The following CYP27B1 variants were observed in gnomAD, a reference collection of about 807,000 sequenced individuals.
The protein encoded by CYP27B1 is 25-hydroxyvitamin D-1 alpha hydroxylase, mitochondrial.
Under a neutral mutation model 54.8 loss-of-function variants are expected in CYP27B1, and 46 were observed. The observed-to-expected ratio is 0.84, with a 90% confidence interval of 0.66 to 1.07. The LOEUF (loss-of-function observed/expected upper bound fraction) is 1.07. Ranked by LOEUF, CYP27B1 falls within the 50% of genes least tolerant of loss-of-function variation. CYP27B1 has a pLI of 0.00. For synonymous variants in CYP27B1, 292 were observed against 297.3 expected, an observed-to-expected ratio of 0.98 and a Z score of 0.18; for missense variants, 674 against 692.2, an observed-to-expected ratio of 0.97 and a Z score of 0.30.
chr12:57,767,074 C>A lies in CYP27B1; in HGVS notation c.-33G>T. ...TTCAGGGTGCTCGCGAAAGAAAGCG[C>A]TTCTCCTGAGCATCATATCTCAACC... On this transcript the variant is annotated 5_prime_UTR_variant, in exon 1 of 9. Transcript: ENST00000228606. The A allele has an allele frequency of 6.2e-7, 1 of 1,602,468 alleles. No individual in the cohort carries two copies. The highest frequency in any genetic ancestry group is 1.1e-5 in the South Asian group (1 of 90,882).
rs1460210101 is a variant in CYP27B1 at position 57,765,402 on chromosome 12, C to T, written c.484G>A (p.Val162Ile). ...ARYAGTLNNV[V>I]CDLVRRLRRQ... Reference sequence around the variant, plus strand: ...CTCAGACGCCGCACAAGGTCGCAGACTACGTTGTTCAGGGTTCCGGCGTAG... The same window carrying T: ...CTCAGACGCCGCACAAGGTCGCAGATTACGTTGTTCAGGGTTCCGGCGTAG... The change falls in exon 3 of 9, where the codon GTC (valine) becomes ATC (isoleucine). Residue 162 changes from valine (V) to isoleucine (I), a missense_variant. Val to Ile is a conservative substitution (Grantham distance 29). Coordinates refer to ENST00000228606, the MANE Select transcript of CYP27B1 (RefSeq NM_000785.4). This position sits in a 1 kb window ranked among gnomAD's most constrained non-coding sequence, Gnocchi z 5.8. 3.1e-6 allele frequency: 5 copies of T among 1,613,194 alleles called. No individual in the cohort carries two copies. The highest frequency in any genetic ancestry group is 4.2e-6 in the Non-Finnish European group (5 of 1,179,732).
rs1955330031 is a variant in CYP27B1 at position 57,762,929 on chromosome 12, G to A, written c.*213C>T. The A allele has an allele frequency of 1.8e-6, 1 of 568,716 alleles. No homozygotes were observed. The highest frequency in any genetic ancestry group is 1.9e-5 in the African/African-American group (1 of 53,878). 35.2% of individuals were successfully genotyped at this position (568,716 alleles called of 1,614,324 possible). On this transcript the variant is annotated 3_prime_UTR_variant, in exon 9 of 9. Transcript: ENST00000228606. ...CATGATCAGAAGGGCCAAGCAAGCAGAGAGACCATGGTTTTCTCACCTGGC... is the reference window on the plus strand; with the variant it reads ...CATGATCAGAAGGGCCAAGCAAGCAAAGAGACCATGGTTTTCTCACCTGGC...
rs374801900 is a variant in CYP27B1 at position 57,767,025 on chromosome 12, T to C, written c.17A>G (p.Lys6Arg). The change falls in exon 1 of 9, where the codon AAG becomes AGG. Residue 6 changes from lysine (K) to arginine (R), a missense_variant. Transcript: ENST00000228606. MTQTL[K>R]YASRVFHRVR... ...GCGATGGAACACTCTGGAGGCGTAC[T>C]TGAGGGTCTGGGTCATGGTCTGGTT... The C allele has an allele frequency of 1.2e-6, 2 of 1,614,222 alleles. No individual in the cohort carries two copies. Among genetic ancestry groups the C allele is most frequent in the African/African-American group, 2.7e-5 (2 of 75,070 alleles).
Position 57,765,683 on chromosome 12 carries a change from G to T in CYP27B1, c.387-184C>A. 1 of 861,504 alleles carries T rather than the reference G, an allele frequency of 1.2e-6. No homozygotes were observed. The highest frequency in any genetic ancestry group is 1.9e-6 in the Non-Finnish European group (1 of 525,866). 53.4% of individuals were successfully genotyped at this position (861,504 alleles called of 1,614,324 possible). On this transcript the variant is annotated intron_variant, in intron 2 of 8. Coordinates refer to ENST00000228606, the MANE Select transcript of CYP27B1 (RefSeq NM_000785.4). This position sits in a 1 kb window ranked among gnomAD's most constrained non-coding sequence, Gnocchi z 5.8. ...CCCCCTTCCTCTTTACTCATTTCCT[G>T]CCCTCAGGGGCCGGGGTTCCCGGGT...
Position 57,766,913 on chromosome 12 carries a change from G to T in CYP27B1, c.129C>A (p.Pro43=). ...ARRSLADIPG[P]STPSFLAELF... ...GTTCGGCCAGAAAGCTGGGCGTAGAGGGGCCTGGGATGTCTGCCAAGCTCC... is the reference window on the plus strand; with the variant it reads ...GTTCGGCCAGAAAGCTGGGCGTAGATGGGCCTGGGATGTCTGCCAAGCTCC... Residue 43 remains proline, a synonymous_variant, in exon 1 of 9, where the codon CCC becomes CCA. Transcript: ENST00000228606. The T allele has an allele frequency of 6.2e-7, 1 of 1,614,204 alleles. No individual in the cohort carries two copies. The highest frequency in any genetic ancestry group is 8.5e-7 in the Non-Finnish European group (1 of 1,180,030).
chr12:57,766,795 G>A, intron 1 of CYP27B1, 52 bp downstream of exon 1: 2 of 1,595,076 alleles, frequency 1.3e-6, no homozygotes, highest in Non-Finnish European at 1.7e-6. Context: ...TTCTGACGCT[G>A]TCAAAACCAG....
Position 57,766,054 on chromosome 12 carries a change from C to T in CYP27B1, c.339G>A (p.Trp113Ter). The T allele has an allele frequency of 6.4e-7, 1 of 1,563,566 alleles. No homozygotes were observed. Among genetic ancestry groups the T allele is most frequent in the Non-Finnish European group, 8.6e-7 (1 of 1,158,656 alleles). Residue 113 changes from tryptophan to a stop codon, truncating the protein, a stop_gained, in exon 2 of 9, where the codon TGG (tryptophan) becomes TGA (stop). Coordinates refer to ENST00000228606, the MANE Select transcript of CYP27B1 (RefSeq NM_000785.4). LOFTEE classifies it high-confidence loss of function. ...PRPERCSFSP[W>*]TEHRRCRQRA... ...GCTGGCGGCAGCGGCGGTGCTCCGT[C>T]CAGGGCGAGAAGCTGCAGCGCTCGG...
rs1166574418 is a variant in CYP27B1 at position 57,762,791 on chromosome 12, G to A, written c.*351C>T. On this transcript the variant is annotated 3_prime_UTR_variant, in exon 9 of 9. Transcript: ENST00000228606. ...GAGCTTATGCTTTGATAAATGCTTA[G>A]CCAGCAGCATCAATGAACACTATGA... 1 of 350,364 alleles carries A rather than the reference G, an allele frequency of 2.9e-6. No homozygotes were observed. The highest frequency in any genetic ancestry group is 5.6e-6 in the Non-Finnish European group (1 of 178,718). The allele number at this position is 350,364 out of a possible 1,614,324, so 21.7% of individuals were successfully genotyped here. A position where few individuals can be genotyped will look rare whatever the true frequency, so the allele number is the denominator to read the frequency against.
At position 57,766,852 on chromosome 12, in the gene CYP27B1, G is replaced by A. The variant is rs1955366158; in HGVS notation, c.190C>T (p.Leu64=). 2 of 1,614,216 alleles carry A rather than the reference G, an allele frequency of 1.2e-6. No homozygotes were observed. Among genetic ancestry groups the A allele is most frequent in the African/African-American group, 1.3e-5 (1 of 75,064 alleles). ...CKGGLSRLHE[L]QVQGAAHFGP... is the part of the protein sequence containing the mutation. ...GGAAAGGCGTCCCTTCCTACCTGCA[G>A]CTCGTGTAGCCTCGACAGCCCCCCC... The change falls in exon 1 of 9, where the codon CTG becomes TTG. Residue 64 remains leucine (L), a synonymous_variant. Transcript: ENST00000228606.
chr12:57,766,872 C>G lies in CYP27B1; in HGVS notation c.170G>C (p.Gly57Ala), dbSNP rs376304260. 5.0e-6 allele frequency: 8 copies of G among 1,614,218 alleles called. No individual in the cohort carries two copies. The highest frequency in any genetic ancestry group is 1.1e-5 in the South Asian group (1 of 91,080). The change falls in exon 1 of 9, where the codon GGG (glycine) becomes GCG (alanine). Residue 57 changes from glycine (G) to alanine (A), a missense_variant. Transcript: ENST00000228606. ...CTGCAGCTCGTGTAGCCTCGACAGCCCCCCCTTGCAGAAAAGTTCGGCCAG... is the reference window on the plus strand; with the variant it reads ...CTGCAGCTCGTGTAGCCTCGACAGCGCCCCCTTGCAGAAAAGTTCGGCCAG... ...SFLAELFCKG[G>A]LSRLHELQVQ...
In CYP27B1 at chr12:57,762,933, G is replaced by C. The variant is rs1955330063; in HGVS notation, c.*209C>G. 1 of 578,748 alleles carries C rather than the reference G, an allele frequency of 1.7e-6. No homozygotes were observed. 35.9% of individuals were successfully genotyped at this position (578,748 alleles called of 1,614,324 possible). On this transcript the variant is annotated 3_prime_UTR_variant, in exon 9 of 9. Coordinates refer to ENST00000228606, the MANE Select transcript of CYP27B1 (RefSeq NM_000785.4). The stretch of plus-strand genomic sequence containing the variant: ...ATCAGAAGGGCCAAGCAAGCAGAGA[G>C]ACCATGGTTTTCTCACCTGGCTTCC...
Position 57,766,975 on chromosome 12 carries a change from C to T in CYP27B1, c.67G>A (p.Ala23Thr). ...HRVRWAPELGASLGYREYHSA... is the reference protein window; with the variant it reads ...HRVRWAPELGTSLGYREYHSA... ...TGGTACTCTCGGTAGCCTAGGGAGGCGCCCAACTCGGGCGCCCAGCGGACG... is the reference window on the plus strand; with the variant it reads ...TGGTACTCTCGGTAGCCTAGGGAGGTGCCCAACTCGGGCGCCCAGCGGACG... Residue 23 changes from alanine (A) to threonine (T), a missense_variant, in exon 1 of 9, where the codon GCC becomes ACC. Transcript: ENST00000228606. The T allele has an allele frequency of 6.2e-7, 1 of 1,614,162 alleles. No individual in the cohort carries two copies. Among genetic ancestry groups the T allele is most frequent in the African/African-American group, 1.3e-5 (1 of 75,028 alleles).
chr12:57,763,011 C>A lies in CYP27B1; in HGVS notation c.*131G>T. 1.4e-6 allele frequency: 1 copy of A among 730,078 alleles called. No individual in the cohort carries two copies. The allele number at this position is 730,078 out of a possible 1,614,324, so 45.2% of individuals were successfully genotyped here. On this transcript the variant is annotated 3_prime_UTR_variant, in exon 9 of 9. Coordinates refer to ENST00000228606, the MANE Select transcript of CYP27B1 (RefSeq NM_000785.4). ...CATTGGTCAGGGCCGCCTCACACTTCACTATGGTGGTTCTATCCAGTTTGG... is the reference window on the plus strand; with the variant it reads ...CATTGGTCAGGGCCGCCTCACACTTAACTATGGTGGTTCTATCCAGTTTGG...
rs925569440 is a variant in CYP27B1, at chr12:57,765,661, C to T, written c.387-162G>A. 2.4e-5 allele frequency: 22 copies of T among 924,432 alleles called. No individual in the cohort carries two copies. The highest frequency in any genetic ancestry group is 3.8e-5 in the Non-Finnish European group (22 of 578,038). 57.3% of individuals were successfully genotyped at this position (924,432 alleles called of 1,614,324 possible). A position where few individuals can be genotyped will look rare whatever the true frequency, so the allele number is the denominator to read the frequency against. Reference sequence around the variant, plus strand: ...CCGGCCTGCGCCTGTCTTCCAGCCCCCTTCCTCTTTACTCATTTCCTGCCC... The same window carrying T: ...CCGGCCTGCGCCTGTCTTCCAGCCCTCTTCCTCTTTACTCATTTCCTGCCC... On this transcript the variant is annotated intron_variant, in intron 2 of 8. Transcript: ENST00000228606. The surrounding 1 kb of genome is among the most constrained non-coding windows in gnomAD (Gnocchi z 5.8).
rs1955350073 is a variant in CYP27B1, at chr12:57,765,273, G to T, written c.589+24C>A. 1 of 1,612,164 alleles carries T rather than the reference G, an allele frequency of 6.2e-7. No homozygotes were observed. On this transcript the variant is annotated intron_variant, in intron 3 of 8. Coordinates refer to ENST00000228606, the MANE Select transcript of CYP27B1 (RefSeq NM_000785.4). The surrounding 1 kb of genome is among the most constrained non-coding windows in gnomAD (Gnocchi z 5.8). ...CTCTGGTAGGGCGCCCCCGACGCCT[G>T]CCCAGCTCTGTCCTGGGACTCACCT...
Position 57,765,423 on chromosome 12 carries a change from C to G in CYP27B1, c.463G>C (p.Ala155Pro). The G allele has an allele frequency of 6.2e-7, 1 of 1,612,794 alleles. No homozygotes were observed. The highest frequency in any genetic ancestry group is 1.1e-5 in the South Asian group (1 of 90,812). The change falls in exon 3 of 9, where the codon GCC becomes CCC. Residue 155 changes from alanine (A) to proline (P), a missense_variant. Transcript: ENST00000228606. This position sits in a 1 kb window ranked among gnomAD's most constrained non-coding sequence, Gnocchi z 5.8. The part of the protein sequence containing the change: ...LLRPQAAARY[A>P]GTLNNVVCDL... ...CAGACTACGTTGTTCAGGGTTCCGG[C>G]GTAGCGGGCGGCCGCTTGAGGCCGG...
At chr12:57,766,636 G>A (rs1481773790) in intron 1 of CYP27B1, 1 of 623,272 alleles carries the variant, frequency 1.6e-6, no homozygotes. Flanking sequence ...ACAGCGAGAA[G>A]GCGCTTTCGC....
intron 7 of CYP27B1, 48 bp downstream of exon 7, chr12:57,764,050 A>G: frequency 6.7e-7 from 1 of 1,484,158 alleles, no homozygotes; most frequent in Non-Finnish European, 9.4e-7. Flanking sequence ...TTGGGGCCCA[A>G]GATAGTGAGG....
At position 57,765,559 on chromosome 12, in the gene CYP27B1, T is replaced by G. The variant is rs1232144362; in HGVS notation, c.387-60A>C. On this transcript the variant is annotated intron_variant, in intron 2 of 8. Coordinates refer to ENST00000228606, the MANE Select transcript of CYP27B1 (RefSeq NM_000785.4). This position sits in a 1 kb window ranked among gnomAD's most constrained non-coding sequence, Gnocchi z 5.8. ...GTGGGGACGGCTCGACGGGACTGGC[T>G]GCAGTGAAGGAGCGCGTTCGGCTGC... The G allele has an allele frequency of 6.5e-7, 1 of 1,533,174 alleles. No individual in the cohort carries two copies. Among genetic ancestry groups the G allele is most frequent in the Non-Finnish European group, 8.9e-7 (1 of 1,124,688 alleles). 95.0% of individuals were successfully genotyped at this position (1,533,174 alleles called of 1,614,324 possible).
Sources: gnomAD v4.1 joint callset for allele counts on GRCh38, gnomAD v4.1.1 for gene constraint, Gnocchi (gnomAD v3.1) non-coding constraint, MANE v1.5 for transcripts, NCBI Gene and HGNC (gene_info 2026-07-23, HGNC 2026-07-21) for gene names.